FNDC3B: variants seen among roughly 807,000 people sequenced by gnomAD.
FNDC3B encodes fibronectin type III domain containing 3B, also known as fibronectin type III domain-containing protein 3B.
A neutral mutation model predicts 151.5 loss-of-function variants in FNDC3B; 12 were observed. That is an observed-to-expected ratio of 0.08 (90% CI 0.05 to 0.13). FNDC3B has a LOEUF of 0.13. Among genes scored for constraint, FNDC3B ranks in the 10% least tolerant of loss-of-function variants. FNDC3B has a pLI of 1.00. For synonymous variants in FNDC3B, 528 were observed against 549.0 expected (o/e 0.96, Z 0.54); for missense variants, 1,214 against 1,505.3 (o/e 0.81, Z 3.20).
chr3:172,143,759 A>C (rs1721754473), intron 3 of FNDC3B, among the ~76,000 whole-genome samples: 1 of 151,966 alleles, frequency 6.6e-6, no homozygotes, highest in Admixed American at 6.6e-5. Flanking sequence ...AAATACAAAA[A>C]TTAGCTGGGC....
Position 172,333,113 on chromosome 3 carries a change from A to G in FNDC3B, c.1579A>G (p.Thr527Ala). 6.2e-7 allele frequency: 1 copy of G among 1,612,938 alleles called. No homozygotes were observed. Among genetic ancestry groups the G allele is most frequent in the Non-Finnish European group, 8.5e-7 (1 of 1,178,918 alleles). Residue 527 changes from threonine (T) to alanine (A), a missense_variant, in exon 14 of 26, where the codon ACT becomes GCT. Transcript: ENST00000415807. ...ENDNLFHPKY[T>A]GEDLTCTVKN... ...GGATAACCTTTTCCACCCAAAATAC[A>G]CTGGAGAGGATTTAACCTGTACTGT...
At chr3:172,239,164 G>A (rs1276298494) in intron 4 of FNDC3B, among the ~76,000 whole-genome samples, 2 of 152,024 alleles carry the variant, frequency 1.3e-5, no homozygotes, top group Non-Finnish European at 2.9e-5. Flanking sequence ...CAGCTGGGTG[G>A]GAGAGACAGA....
At chr3:172,091,420 G>T (rs1417829971) in intron 1 of FNDC3B, among the ~76,000 whole-genome samples, 4 of 152,174 alleles carry the variant, frequency 2.6e-5, no homozygotes, top group Admixed American at 6.5e-5. Flanking sequence ...TGGAAGAAAA[G>T]GTAGATATTT....
chr3:172,226,069 A>G (rs939030931), intron 3 of FNDC3B, among the ~76,000 whole-genome samples: 1 of 152,114 alleles, frequency 6.6e-6, no homozygotes, highest in Non-Finnish European at 1.5e-5. Flanking sequence ...GCACTTTGGG[A>G]GGCCAAGGCA....
At chr3:172,278,928 A>G (rs961485822) in intron 6 of FNDC3B, among the ~76,000 whole-genome samples, 1 of 152,170 alleles carries the variant, frequency 6.6e-6, no homozygotes, top group Non-Finnish European at 1.5e-5. Context: ...CTCTGTCTCA[A>G]AAACAAAACA....
At chr3:172,109,104 G>T (rs1250247742) in intron 1 of FNDC3B, among the ~76,000 whole-genome samples, 1 of 151,970 alleles carries the variant, frequency 6.6e-6, no homozygotes, top group Non-Finnish European at 1.5e-5. Context: ...ATTCTTGTCA[G>T]GATGAAGTCT....
chr3:172,111,082 G>A (rs949947352), intron 1 of FNDC3B, among the ~76,000 whole-genome samples: 1 of 133,678 alleles, frequency 7.5e-6, no homozygotes, highest in Non-Finnish European at 1.5e-5. Flanking sequence ...CTGGGCAACA[G>A]AGTGAGACTC....
chr3:172,124,876 C>T (rs542179608), intron 2 of FNDC3B, among the ~76,000 whole-genome samples: 1 of 152,348 alleles, frequency 6.6e-6, no homozygotes, highest in East Asian at 1.9e-4. Flanking sequence ...TGAGCCCTTA[C>T]ACACATTATT....
At chr3:172,146,110 G>A (rs976753171) in intron 3 of FNDC3B, among the ~76,000 whole-genome samples, 1 of 152,090 alleles carries the variant, frequency 6.6e-6, no homozygotes, top group African/African-American at 2.4e-5. Context: ...ACCGTGCCTG[G>A]CGGAAATAGT....
chr3:172,217,411 ATT>A lies in FNDC3B; in HGVS notation c.188-9459_188-9458del, dbSNP rs371844580. 2.3e-3 allele frequency among the ~76,000 whole-genome samples: 347 copies of A among 152,242 alleles called. 1 individual carries two copies. Among genetic ancestry groups the A allele is most frequent in the African/African-American group, 8.2e-3 (340 of 41,546 alleles). ...CATTGCTAGTCACTGAATTTTGAAT[ATT>A]CTTCCCCCACCCACTCTAAGGATAA... On this transcript the variant is annotated intron_variant, in intron 3 of 25. Transcript: ENST00000415807.
intron 3 of FNDC3B, among the ~76,000 whole-genome samples, chr3:172,163,413 A>G (rs1202947063): frequency 2.0e-5 from 3 of 152,244 alleles, no homozygotes; most frequent in African/African-American, 7.2e-5. Flanking sequence ...ATTAATAATC[A>G]TTAACAAATT....
At chr3:172,354,941 G>A (rs534493564) in intron 22 of FNDC3B, among the ~76,000 whole-genome samples, 13 of 146,954 alleles carry the variant, frequency 8.8e-5, no homozygotes, top group African/African-American at 3.3e-4. Context: ...TCTCTGTGTT[G>A]CCAGGACAGG....
At chr3:172,217,483 T>C (rs1726047413) in intron 3 of FNDC3B, among the ~76,000 whole-genome samples, 1 of 152,224 alleles carries the variant, frequency 6.6e-6, no homozygotes, top group Non-Finnish European at 1.5e-5. Context: ...AATGAAACAA[T>C]TGCTGCTGCT....
At chr3:172,246,088 G>A (rs1465155390) in intron 4 of FNDC3B, among the ~76,000 whole-genome samples, 1 of 152,022 alleles carries the variant, frequency 6.6e-6, no homozygotes, top group Non-Finnish European at 1.5e-5. Flanking sequence ...AGATGTTTTA[G>A]ACATGATTAA....
chr3:172,059,680 G>C (rs1400713111), intron 1 of FNDC3B, among the ~76,000 whole-genome samples: 2 of 152,112 alleles, frequency 1.3e-5, no homozygotes, highest in Non-Finnish European at 2.9e-5. Flanking sequence ...ATTTTTCTAA[G>C]TCAATAACGC....
chr3:172,092,431 T>A (rs1718885141), intron 1 of FNDC3B, among the ~76,000 whole-genome samples: 1 of 152,236 alleles, frequency 6.6e-6, no homozygotes. Context: ...AGAAAATTGC[T>A]CAATACACAT....
chr3:172,193,346 T>C (rs1408269967), intron 3 of FNDC3B, among the ~76,000 whole-genome samples: 2 of 74,082 alleles, frequency 2.7e-5, no homozygotes, highest in Admixed American at 1.5e-4. Context: ...CTTCCCTTCC[T>C]TCCTCTAACT....
chr3:172,338,924 AG>A (rs1277951025), intron 16 of FNDC3B, among the ~76,000 whole-genome samples: 3 of 151,840 alleles, frequency 2.0e-5, no homozygotes, highest in Admixed American at 6.5e-5. Flanking sequence ...TTTTTAGTAG[AG>A]ACGGGGTTTC....
intron 3 of FNDC3B, among the ~76,000 whole-genome samples, chr3:172,166,490 G>T (rs1311653233): frequency 6.6e-6 from 1 of 152,172 alleles, no homozygotes; most frequent in Non-Finnish European, 1.5e-5. Flanking sequence ...GTGACAGTCT[G>T]CTTGTTCCAG....
Sources: allele counts gnomAD v4.1 joint callset (sites outside exome capture counted in the v4.1 genomes callset), GRCh38; gene constraint gnomAD v4.1.1; transcripts MANE v1.5; gene names NCBI Gene and HGNC (gene_info 2026-07-23, HGNC 2026-07-21).